Variants in SLC2A13 observed in about 807,000 individuals in gnomAD.
The protein encoded by SLC2A13 is proton myo-inositol cotransporter.
A neutral mutation model predicts 64.4 loss-of-function variants in SLC2A13; 32 were observed. That is an observed-to-expected ratio of 0.50 (90% confidence interval 0.37 to 0.67). The LOEUF (loss-of-function observed/expected upper bound fraction) is 0.67. Among genes scored for constraint, SLC2A13 ranks in the 30% least tolerant of loss-of-function variants. SLC2A13 has a pLI of 0.00. For synonymous variants in SLC2A13, 338 were observed against 327.1 expected, an observed-to-expected ratio of 1.03 and a Z score of -0.36; for missense variants, 743 against 829.2, an observed-to-expected ratio of 0.90 and a Z score of 1.28.
chr12:40,082,938 T>C (rs1401011535), intron 1 of SLC2A13, among the ~76,000 whole-genome samples: 1 of 152,112 alleles, frequency 6.6e-6, no homozygotes, highest in Non-Finnish European at 1.5e-5. Context: ...CCGGGGTCTG[T>C]ATCCTTCTTC....
intron 1 of SLC2A13, among the ~76,000 whole-genome samples, chr12:40,076,731 T>C (rs1016920648): frequency 6.6e-5 from 10 of 152,180 alleles, no homozygotes; most frequent in Admixed American, 5.9e-4. Flanking sequence ...CCACAATGCT[T>C]TCCACGGTGG....
At chr12:39,950,325 GA>G (rs1318175140) in intron 4 of SLC2A13, 1 of 152,058 alleles carries the variant, frequency 6.6e-6, no homozygotes, top group African/African-American at 2.4e-5. Context: ...TTTTCTTAAT[GA>G]AAAAAATTCA....
intron 7 of SLC2A13, among the ~76,000 whole-genome samples, chr12:39,769,143 G>C (rs1007587743): frequency 6.6e-6 from 1 of 151,986 alleles, no homozygotes; most frequent in African/African-American, 2.4e-5. Context: ...CCCTAATGAT[G>C]CTTATTTTAT....
At chr12:39,882,312 A>G (rs983133407) in intron 4 of SLC2A13, among the ~76,000 whole-genome samples, 2 of 152,128 alleles carry the variant, frequency 1.3e-5, no homozygotes, top group Non-Finnish European at 2.9e-5. Context: ...TGCCTTTCCA[A>G]CAAATTTTCA....
intron 7 of SLC2A13, among the ~76,000 whole-genome samples, chr12:39,810,445 GTA>G (rs1183009026): frequency 1.3e-5 from 2 of 152,072 alleles, no homozygotes; most frequent in Admixed American, 6.6e-5. Context: ...TGAAAATAGA[GTA>G]TATATTCCTT....
At chr12:39,964,093 G>C (rs1218930403) in intron 3 of SLC2A13, among the ~76,000 whole-genome samples, 1 of 152,088 alleles carries the variant, frequency 6.6e-6, no homozygotes, top group Non-Finnish European at 1.5e-5. Flanking sequence ...CTGTCAGCAT[G>C]ATTCTCAGAA....
intron 1 of SLC2A13, among the ~76,000 whole-genome samples, chr12:40,079,715 T>C (rs562284708): frequency 3.1e-4 from 47 of 152,354 alleles, no homozygotes; most frequent in African/African-American, 1.1e-3. Flanking sequence ...TCTCCCATTA[T>C]TATTGTGTGG....
intron 4 of SLC2A13, among the ~76,000 whole-genome samples, chr12:39,895,192 G>T (rs1194171968): frequency 6.6e-6 from 1 of 151,798 alleles, no homozygotes; most frequent in East Asian, 1.9e-4. Flanking sequence ...ACAAGTAGTG[G>T]GTCTGTTACT....
chr12:39,897,293 A>C (rs762843804), intron 4 of SLC2A13, among the ~76,000 whole-genome samples: 11 of 152,188 alleles, frequency 7.2e-5, no homozygotes, highest in Non-Finnish European at 1.2e-4. Flanking sequence ...ATGCTGTTGC[A>C]AGCCTGCACA....
intron 4 of SLC2A13, among the ~76,000 whole-genome samples, chr12:39,946,637 G>A (rs1435299892): frequency 2.0e-5 from 3 of 152,302 alleles, no homozygotes; most frequent in Non-Finnish European, 4.4e-5. Flanking sequence ...TGTCAGGGAA[G>A]TGGGTGAAAG....
intron 6 of SLC2A13, among the ~76,000 whole-genome samples, chr12:39,856,797 AC>A (rs1943620812): frequency 6.6e-6 from 1 of 152,224 alleles, no homozygotes; most frequent in South Asian, 2.1e-4. Flanking sequence ...CTCCAACTTA[AC>A]ATACCAGAGT....
At chr12:39,940,528 T>C (rs1226329008) in intron 4 of SLC2A13, among the ~76,000 whole-genome samples, 2 of 152,072 alleles carry the variant, frequency 1.3e-5, no homozygotes, top group African/African-American at 4.8e-5. Context: ...GAATGACTCA[T>C]TCAACCATCA....
chr12:40,079,730 C>G (rs901766937), intron 1 of SLC2A13, among the ~76,000 whole-genome samples: 1 of 152,190 alleles, frequency 6.6e-6, no homozygotes, highest in African/African-American at 2.4e-5. Flanking sequence ...GTGTGGTTAT[C>G]TAAGTCTCTT....
intron 7 of SLC2A13, among the ~76,000 whole-genome samples, chr12:39,806,453 A>G (rs1207591865): frequency 6.6e-6 from 1 of 152,186 alleles, no homozygotes; most frequent in Non-Finnish European, 1.5e-5. Context: ...TACAGGATAT[A>G]TATTTTCCCT....
chr12:40,006,224 A>C (rs1163944120), intron 3 of SLC2A13, among the ~76,000 whole-genome samples: 2 of 152,148 alleles, frequency 1.3e-5, no homozygotes, highest in East Asian at 3.8e-4. Context: ...ATACAATATT[A>C]TTTTTTTCCA....
chr12:39,914,866 G>A (rs1263359390), intron 4 of SLC2A13, among the ~76,000 whole-genome samples: 1 of 151,814 alleles, frequency 6.6e-6, no homozygotes, highest in East Asian at 1.9e-4. Context: ...ATGTACAAAA[G>A]TATCTTTACG....
intron 1 of SLC2A13, among the ~76,000 whole-genome samples, chr12:40,104,449 C>T (rs1487265861): frequency 6.6e-6 from 1 of 152,138 alleles, no homozygotes. Flanking sequence ...AAATTCCAAA[C>T]ATTTATCTTG....
chr12:39,910,547 T>A (rs1359470355), intron 4 of SLC2A13, among the ~76,000 whole-genome samples: 1 of 152,086 alleles, frequency 6.6e-6, no homozygotes, highest in Non-Finnish European at 1.5e-5. Flanking sequence ...TAGATGGATA[T>A]TCTCTTCTGT....
intron 6 of SLC2A13, among the ~76,000 whole-genome samples, chr12:39,842,741 C>A (rs898306355): frequency 1.1e-4 from 17 of 152,022 alleles, no homozygotes; most frequent in African/African-American, 4.1e-4. Flanking sequence ...GGAACATTTT[C>A]ATTGCTCAAG....
Sources: gnomAD v4.1 joint callset for allele counts (sites outside exome capture counted in the v4.1 genomes callset) on GRCh38, gnomAD v4.1.1 for gene constraint, MANE v1.5 for transcripts, NCBI Gene and HGNC (gene_info 2026-07-23, HGNC 2026-07-21) for gene names.